The following SAMD12 variants were observed in gnomAD, a reference collection of about 807,000 sequenced individuals.
SAMD12 encodes sterile alpha motif domain containing 12.
Under a neutral mutation model 15.0 loss-of-function variants are expected in SAMD12, and 9 were observed. The observed-to-expected ratio is 0.60, with a 90% CI of 0.36 to 1.05. The LOEUF is 1.05. SAMD12 is among the 50% of genes least tolerant of loss of function. The pLI, the probability that SAMD12 is intolerant of heterozygous loss-of-function variation, is 0.01. For missense variants in SAMD12, 230 were observed against 234.2 expected (o/e 0.98, Z 0.12); for synonymous variants, 86 against 90.1 (o/e 0.96, Z 0.25).
chr8:118,544,932 A>C (rs953990811), intron 2 of SAMD12, among the ~76,000 whole-genome samples: 3 of 152,232 alleles, frequency 2.0e-5, no homozygotes, highest in Non-Finnish European at 4.4e-5. Context: ...AATTAAATAT[A>C]AAAAGGCAAA....
intron 3 of SAMD12, among the ~76,000 whole-genome samples, chr8:118,395,320 G>C (rs905521275): frequency 2.0e-5 from 3 of 152,098 alleles, no homozygotes; most frequent in African/African-American, 7.2e-5. Context: ...ACTTATGCTT[G>C]AAGGCCCAGG....
At chr8:118,287,122 A>T (rs73320220) in intron 4 of SAMD12, among the ~76,000 whole-genome samples, 11,854 of 132,878 alleles carry the variant, frequency 0.089, 1,582 homozygotes, top group African/African-American at 0.33. Flanking sequence ...AAGGAAGAAT[A>T]TTTTTTTTTT....
chr8:118,616,989 A>G (rs1828255075), intron 1 of SAMD12, among the ~76,000 whole-genome samples: 1 of 152,186 alleles, frequency 6.6e-6, no homozygotes, highest in Non-Finnish European at 1.5e-5. Context: ...CCCCATGGAA[A>G]AACTGTCTTC....
At chr8:118,604,593 A>G (rs922488490) in intron 1 of SAMD12, among the ~76,000 whole-genome samples, 3 of 152,234 alleles carry the variant, frequency 2.0e-5, no homozygotes, top group Non-Finnish European at 4.4e-5. Flanking sequence ...CGATGGTTGG[A>G]AAACCTTGTT....
chr8:118,392,274 C>G (rs532989822), intron 3 of SAMD12, among the ~76,000 whole-genome samples: 116 of 151,964 alleles, frequency 7.6e-4, no homozygotes, highest in Non-Finnish European at 1.2e-3. Context: ...AAAATACACA[C>G]AAAAAAATTA....
chr8:118,197,069 C>G (rs527390346), exon 5 of SAMD12: 2 of 150,908 alleles, frequency 1.3e-5, no homozygotes, highest in African/African-American at 4.9e-5. Context: ...TTGTCTTGGA[C>G]AGTCTGAGCC....
intron 1 of SAMD12, among the ~76,000 whole-genome samples, chr8:118,596,545 T>C (rs1188052249): frequency 6.6e-6 from 1 of 152,204 alleles, no homozygotes; most frequent in Non-Finnish European, 1.5e-5. Flanking sequence ...GCTGATTCTA[T>C]CAATGACCCC....
At chr8:118,541,044 C>T (rs1825971724) in intron 2 of SAMD12, among the ~76,000 whole-genome samples, 1 of 152,168 alleles carries the variant, frequency 6.6e-6, no homozygotes, top group South Asian at 2.1e-4. Context: ...GCTATAAGGA[C>T]CTGTCTTTCC....
At chr8:118,358,249 C>A (rs1270235401) in intron 4 of SAMD12, among the ~76,000 whole-genome samples, 1 of 152,212 alleles carries the variant, frequency 6.6e-6, no homozygotes, top group East Asian at 1.9e-4. Flanking sequence ...GGCCAGACCA[C>A]ATTTCTCCTT....
the SAMD12 span, among the ~76,000 whole-genome samples, chr8:118,170,469 T>C: frequency 6.6e-6 from 1 of 152,204 alleles, no homozygotes; most frequent in African/African-American, 2.4e-5. Flanking sequence ...ATCAATTTTA[T>C]TTATTGTAAC....
chr8:118,258,051 A>G (rs1309205501), intron 4 of SAMD12, among the ~76,000 whole-genome samples: 1 of 152,108 alleles, frequency 6.6e-6, no homozygotes, highest in African/African-American at 2.4e-5. Context: ...CAGAGATTCT[A>G]TCCACCGGTG....
intron 2 of SAMD12, among the ~76,000 whole-genome samples, chr8:118,529,642 C>T (rs1825631120): frequency 6.6e-6 from 1 of 152,188 alleles, no homozygotes; most frequent in Non-Finnish European, 1.5e-5. Context: ...TGAGAACATG[C>T]AGTGTTTTGA....
In SAMD12 at chr8:118,368,542, T is replaced by C. The variant is rs77939520; in HGVS notation, c.433+11018A>G. Among the ~76,000 whole-genome samples the C allele has an allele frequency of 8.1e-3, 1,236 of 152,150 alleles. 18 individuals carry two copies. The highest frequency in any genetic ancestry group is 0.028 in the African/African-American group (1,178 of 41,522). On this transcript the variant is annotated intron_variant, in intron 4 of 4. Coordinates refer to the SAMD12 transcript ENST00000409003. ...CCATTGTCTTTACTTGATGGGTCAATAGAAAAAGATCACAAGGGAATGAAG... is the reference window on the plus strand; with the variant it reads ...CCATTGTCTTTACTTGATGGGTCAACAGAAAAAGATCACAAGGGAATGAAG...
intron 1 of SAMD12, among the ~76,000 whole-genome samples, chr8:118,584,990 G>T (rs1457739491): frequency 1.3e-5 from 2 of 151,542 alleles, no homozygotes; most frequent in Non-Finnish European, 2.9e-5. Context: ...AGGAACTCAA[G>T]ATATTTGTAT....
At chr8:118,508,752 T>A (rs1824994013) in intron 2 of SAMD12, among the ~76,000 whole-genome samples, 1 of 152,194 alleles carries the variant, frequency 6.6e-6, no homozygotes, top group Admixed American at 6.5e-5. Flanking sequence ...TCAACCGAAT[T>A]CCCATGAGCA....
chr8:118,220,795 C>T (rs544022102), intron 4 of SAMD12, among the ~76,000 whole-genome samples: 2 of 152,288 alleles, frequency 1.3e-5, no homozygotes, highest in South Asian at 2.1e-4. Context: ...AAAACAAACA[C>T]ATCAAGGCCT....
At chr8:118,565,544 A>G (rs1826823807) in intron 2 of SAMD12, among the ~76,000 whole-genome samples, 2 of 152,214 alleles carry the variant, frequency 1.3e-5, no homozygotes, top group African/African-American at 2.4e-5. Context: ...TCTTTGTCAC[A>G]TGCACACATG....
chr8:118,465,232 G>A (rs1823559076), intron 2 of SAMD12, among the ~76,000 whole-genome samples: 1 of 152,194 alleles, frequency 6.6e-6, no homozygotes, highest in South Asian at 2.1e-4. Context: ...TCACAGCCAA[G>A]GGTGAGAACC....
chr8:118,271,267 G>C (rs758737660), intron 4 of SAMD12, among the ~76,000 whole-genome samples: 1 of 152,086 alleles, frequency 6.6e-6, no homozygotes, highest in South Asian at 2.1e-4. Flanking sequence ...GAAGTGCCGA[G>C]CAAAAGCCTC....
Sources: gnomAD v4.1 joint callset for allele counts (sites outside exome capture counted in the v4.1 genomes callset) on GRCh38, gnomAD v4.1.1 for gene constraint, MANE v1.5 for transcripts, NCBI Gene and HGNC (gene_info 2026-07-23, HGNC 2026-07-21) for gene names.